Variants in SLC7A5 observed in about 807,000 individuals in gnomAD.
SLC7A5 encodes solute carrier family 7 member 5.
In SLC7A5, 23 loss-of-function variants were observed where a neutral mutation model predicts 50.2. The ratio of observed to expected loss-of-function variants is 0.46; its 90% CI spans 0.33 to 0.65. The LOEUF is 0.65. Ranked by LOEUF, SLC7A5 falls within the 30% of genes least tolerant of loss-of-function variation. SLC7A5 has a pLI of 0.02. For missense variants in SLC7A5, 578 were observed against 684.4 expected (o/e 0.84, Z 1.73); for synonymous variants, 393 against 330.6 (o/e 1.19, Z -2.05).
chr16:87,839,627 C>T, intron 5 of SLC7A5, 75 bp downstream of exon 5: 2 of 1,603,068 alleles, frequency 1.2e-6, no homozygotes, highest in Non-Finnish European at 1.7e-6. Context: ...ATGTGGGGCA[C>T]CACTCCGGTC....
intron 2 of SLC7A5, among the ~76,000 whole-genome samples, chr16:87,849,282 T>C (rs1053016514): frequency 6.6e-6 from 1 of 152,182 alleles, no homozygotes; most frequent in African/African-American, 2.4e-5. Context: ...CAACACAATG[T>C]ATCTTCTAAA....
At chr16:87,843,015 A>C (rs983177329) in intron 2 of SLC7A5, among the ~76,000 whole-genome samples, 16 of 152,004 alleles carry the variant, frequency 1.1e-4, no homozygotes, top group African/African-American at 3.6e-4. Context: ...GGGAATGCAG[A>C]CCTGCCAGGC....
intron 1 of SLC7A5, among the ~76,000 whole-genome samples, chr16:87,856,635 G>A (rs2055324849): frequency 6.6e-6 from 1 of 152,238 alleles, no homozygotes; most frequent in Non-Finnish European, 1.5e-5. Context: ...TCCTGAGACA[G>A]CTTCTTTGTC....
intron 1 of SLC7A5, among the ~76,000 whole-genome samples, chr16:87,858,972 A>T (rs1188956031): frequency 6.6e-6 from 1 of 152,240 alleles, no homozygotes; most frequent in African/African-American, 2.4e-5. Flanking sequence ...CAGGACCTGA[A>T]GCCATCTCAG....
In SLC7A5 at chr16:87,869,258, G is replaced by T. The variant is rs1291380522; in HGVS notation, c.165C>A (p.Gly55=). ...TLQRNITLLN[G]VAIIVGTIIG... is the part of the protein sequence containing the mutation. ...TAATGGTCCCCACGATGATGGCCAC[G>T]CCGTTGAGCAGCGTGATGTTCCGCT... Residue 55 remains glycine, a synonymous_variant, in exon 1 of 10, where the codon GGC becomes GGA. Coordinates refer to ENST00000261622, the MANE Select transcript of SLC7A5 (RefSeq NM_003486.7). The T allele has an allele frequency of 6.2e-7, 1 of 1,612,620 alleles. No individual in the cohort carries two copies. Among genetic ancestry groups the T allele is most frequent in the Non-Finnish European group, 8.5e-7 (1 of 1,179,860 alleles).
intron 5 of SLC7A5, among the ~76,000 whole-genome samples, chr16:87,839,277 C>T (rs565866407): frequency 3.9e-5 from 6 of 152,236 alleles, no homozygotes; most frequent in East Asian, 3.9e-4. Context: ...CTGAGCTGCC[C>T]GGTGACACCG....
rs1003698552 is a variant in SLC7A5 at position 87,839,570 on chromosome 16, G to T, written c.939+132C>A. On this transcript the variant is annotated intron_variant, in intron 5 of 9. Transcript: ENST00000261622. ...CCACCACTCCACCCCTCCGGGTAGG[G>T]GAGGCTTAGAGACGCGGGGCCCCCT... The T allele has an allele frequency of 2.5e-5, 32 of 1,290,788 alleles. No homozygotes were observed. The African/African-American group carries it at 4.7e-4, about 19-fold the overall frequency. The allele number at this position is 1,290,788 out of a possible 1,614,324, so 80.0% of individuals were successfully genotyped here. A position where few individuals can be genotyped will look rare whatever the true frequency, so the allele number is the denominator to read the frequency against.
intron 1 of SLC7A5, chr16:87,854,072 G>GCCA (rs1555515354): frequency 1.0e-4 from 9 of 89,428 alleles, no homozygotes; most frequent in Non-Finnish European, 1.7e-4. Flanking sequence ...GGACCCCCCC[G>GCCA]CCCCCCCCCC....
At chr16:87,859,353 G>A (rs577913495) in intron 1 of SLC7A5, among the ~76,000 whole-genome samples, 23 of 152,296 alleles carry the variant, frequency 1.5e-4, no homozygotes, top group Admixed American at 3.3e-4. Context: ...CATGAGAGCC[G>A]TGGACAGAAT....
rs1161321934 is a variant in SLC7A5 at position 87,831,466 on chromosome 16, AGC to A, written c.*1502_*1503del. The A allele has an allele frequency of 1.3e-5, 2 of 152,204 alleles. No homozygotes were observed. Among genetic ancestry groups the A allele is most frequent in the African/African-American group, 4.8e-5 (2 of 41,446 alleles). The allele number at this position is 152,204 out of a possible 1,614,324, so 9.4% of individuals were successfully genotyped here. ...CTTGCTGAGAGCTTGCGGCTTGAGC[AGC>A]CGCTGGTCAGTGAAGCCGTGTCCGG... On this transcript the variant is annotated 3_prime_UTR_variant, in exon 10 of 10. Coordinates refer to ENST00000261622, the MANE Select transcript of SLC7A5 (RefSeq NM_003486.7).
chr16:87,838,651 C>T (rs1341559409), intron 6 of SLC7A5, 63 bp downstream of exon 6: 22 of 1,208,596 alleles, frequency 1.8e-5, no homozygotes, highest in Middle Eastern at 1.9e-4. Flanking sequence ...AGACATGGAA[C>T]ATGTTGAACC....
chr16:87,855,418 C>T (rs1322377778), intron 1 of SLC7A5, among the ~76,000 whole-genome samples: 1 of 152,068 alleles, frequency 6.6e-6, no homozygotes, highest in Non-Finnish European at 1.5e-5. Flanking sequence ...CAGGTGCATA[C>T]CGCTGGCTGA....
chr16:87,853,803 T>C lies in SLC7A5; in HGVS notation c.539-1954A>G, dbSNP rs554070511. The C allele has an allele frequency of 1.3e-5, 2 of 152,108 alleles. No individual in the cohort carries two copies. The highest frequency in any genetic ancestry group is 2.4e-5 in the African/African-American group (1 of 41,406). 9.4% of individuals were successfully genotyped at this position (152,108 alleles called of 1,614,324 possible). ...GGGAGTGGGTGTGGCCAAGCCGCAC[T>C]CGAGGCTGCCTCTCCCCAAAAGGGA... On this transcript the variant is annotated intron_variant, in intron 1 of 9. Transcript: ENST00000261622. This position sits in a 1 kb window ranked among gnomAD's most constrained non-coding sequence, Gnocchi z 4.4.
Position 87,853,786 on chromosome 16 carries a change from G to A in SLC7A5, c.539-1937C>T, listed in dbSNP as rs1228462584. The A allele has an allele frequency of 1.3e-5, 2 of 152,170 alleles. No individual in the cohort carries two copies. The highest frequency in any genetic ancestry group is 4.8e-5 in the African/African-American group (2 of 41,430). The allele number at this position is 152,170 out of a possible 1,614,324, so 9.4% of individuals were successfully genotyped here. ...ATGCCCGGAGGGAGGCGGGGAGTGG[G>A]TGTGGCCAAGCCGCACTCGAGGCTG... On this transcript the variant is annotated intron_variant, in intron 1 of 9. Transcript: ENST00000261622. The surrounding 1 kb of genome is among the most constrained non-coding windows in gnomAD (Gnocchi z 4.4).
At position 87,861,760 on chromosome 16, in the gene SLC7A5, G is replaced by C. The variant is rs1307809903; in HGVS notation, c.538+7125C>G. On this transcript the variant is annotated intron_variant, in intron 1 of 9. Transcript: ENST00000261622. The surrounding 1 kb of genome is among the most constrained non-coding windows in gnomAD (Gnocchi z 4.2). The stretch of plus-strand genomic sequence containing the variant: ...TTCTGCTGGATTATGAAAGAGGTCT[G>C]TGACCCAAGAAAAAAGGGTCACAAG... Among the ~76,000 whole-genome samples the C allele has an allele frequency of 6.6e-6, 1 of 152,200 alleles. No homozygotes were observed. Among genetic ancestry groups the C allele is most frequent in the African/African-American group, 2.4e-5 (1 of 41,450 alleles).
intron 2 of SLC7A5, among the ~76,000 whole-genome samples, chr16:87,847,597 A>T (rs961729775): frequency 1.3e-5 from 2 of 152,122 alleles, no homozygotes; most frequent in Non-Finnish European, 2.9e-5. Flanking sequence ...GTAACACATG[A>T]CACCCCACGT....
In SLC7A5 at chr16:87,861,870, C is replaced by A. The variant is rs932791604; in HGVS notation, c.538+7015G>T. ...CCTTGCCCCGAATCCCGTGATGCAG[C>A]GTGACCTGCCTAGGTGCCGGCGGCA... On this transcript the variant is annotated intron_variant, in intron 1 of 9. Coordinates refer to ENST00000261622, the MANE Select transcript of SLC7A5 (RefSeq NM_003486.7). This position sits in a 1 kb window ranked among gnomAD's most constrained non-coding sequence, Gnocchi z 4.2. Among the ~76,000 whole-genome samples the A allele has an allele frequency of 6.6e-6, 1 of 152,262 alleles. No individual in the cohort carries two copies. Among genetic ancestry groups the A allele is most frequent in the Non-Finnish European group, 1.5e-5 (1 of 68,040 alleles).
rs1306089474 is a variant in SLC7A5, at chr16:87,862,778, C to G, written c.538+6107G>C. 6.6e-6 allele frequency among the ~76,000 whole-genome samples: 1 copy of G among 152,236 alleles called. No individual in the cohort carries two copies. Among genetic ancestry groups the G allele is most frequent in the Non-Finnish European group, 1.5e-5 (1 of 68,040 alleles). ...CAGTCAGAAACAGGCTCGGCGGGGC[C>G]AGGTGGATTTCTCAAAGCCTTGGTT... is the stretch of plus-strand genomic sequence containing the variant. On this transcript the variant is annotated intron_variant, in intron 1 of 9. Transcript: ENST00000261622. The surrounding 1 kb of genome is among the most constrained non-coding windows in gnomAD (Gnocchi z 5.3).
At position 87,851,718 on chromosome 16, in the gene SLC7A5, A is replaced by G. The variant is rs2055226374; in HGVS notation, c.664+6T>C. On this transcript the variant is annotated splice_donor_region_variant and intron_variant, in intron 2 of 9. Transcript: ENST00000261622. Reference sequence around the variant, plus strand: ...GCCGCCGGTGGGGCCTGGGGGACGTACTCACCCTTCCCGATCTGGACGAAG... The same window carrying G: ...GCCGCCGGTGGGGCCTGGGGGACGTGCTCACCCTTCCCGATCTGGACGAAG... 2 of 1,610,448 alleles carry G rather than the reference A, an allele frequency of 1.2e-6. No individual in the cohort carries two copies. Among genetic ancestry groups the G allele is most frequent in the Admixed American group, 1.7e-5 (1 of 59,950 alleles).
Sources: allele counts gnomAD v4.1 joint callset (sites outside exome capture counted in the v4.1 genomes callset), GRCh38; gene constraint gnomAD v4.1.1; non-coding constraint Gnocchi (gnomAD v3.1); transcripts MANE v1.5; gene names NCBI Gene and HGNC (gene_info 2026-07-23, HGNC 2026-07-21).